The following DACH2 variants were observed in gnomAD, a reference collection of about 807,000 sequenced individuals.
The protein encoded by DACH2 is dachshund family transcription factor 2, also known as dachshund homolog 2.
A neutral mutation model predicts 35.8 loss-of-function variants in DACH2; 17 were observed. The observed-to-expected ratio is 0.48, with a 90% CI of 0.33 to 0.71. The LOEUF (loss-of-function observed/expected upper bound fraction) is 0.71, where lower values mean the gene tolerates loss of function less well. Ranked by LOEUF, DACH2 falls within the 30% of genes least tolerant of loss-of-function variation. DACH2 has a pLI of 0.02. For synonymous variants in DACH2, 195 were observed against 177.3 expected (o/e 1.10, Z -0.79); for missense variants, 469 against 472.7 (o/e 0.99, Z 0.07).
At chrX:86,577,417 T>G (rs2039448450) in intron 3 of DACH2, among the ~76,000 whole-genome samples, 1 of 111,709 alleles carries the variant, frequency 9.0e-6, no homozygotes, top group South Asian at 3.7e-4. Flanking sequence ...CATTTAAAAT[T>G]TTATTTTAAT....
chrX:86,793,627 A>C (rs2147326142), intron 7 of DACH2, among the ~76,000 whole-genome samples: 1 of 111,964 alleles, frequency 8.9e-6, no homozygotes, highest in African/African-American at 3.2e-5. Flanking sequence ...CAATTCCAAA[A>C]ATTCTGAATT....
chrX:86,747,071 A>G (rs2041720566), intron 7 of DACH2, among the ~76,000 whole-genome samples: 1 of 111,839 alleles, frequency 8.9e-6, no homozygotes, highest in Non-Finnish European at 1.9e-5. Context: ...TCTTTTGCCA[A>G]TATCATACTA....
chrX:86,235,602 G>A (rs2033041801), intron 1 of DACH2, among the ~76,000 whole-genome samples: 1 of 111,879 alleles, frequency 8.9e-6, no homozygotes, highest in African/African-American at 3.3e-5. Flanking sequence ...GGGTAGCAGA[G>A]GTAGTAACGC....
At chrX:86,319,918 A>G (rs1017757614) in intron 1 of DACH2, among the ~76,000 whole-genome samples, 1 of 111,782 alleles carries the variant, frequency 8.9e-6, no homozygotes, top group African/African-American at 3.3e-5. Flanking sequence ...TAATTTCCCA[A>G]TTGGATTATT....
At chrX:86,258,819 A>G (rs572273748) in intron 1 of DACH2, among the ~76,000 whole-genome samples, 2 of 112,204 alleles carry the variant, frequency 1.8e-5, no homozygotes, top group African/African-American at 3.2e-5. Flanking sequence ...GACAAGACCC[A>G]TTAAATATTT....
At chrX:86,515,181 G>A (rs186765403) in intron 3 of DACH2, among the ~76,000 whole-genome samples, 47 of 110,824 alleles carry the variant, frequency 4.2e-4, no homozygotes, top group African/African-American at 1.4e-3. Flanking sequence ...AAAAATATAC[G>A]AGTAGTGGTC....
intron 3 of DACH2, among the ~76,000 whole-genome samples, chrX:86,597,644 G>T (rs1232993483): frequency 9.0e-6 from 1 of 111,521 alleles, no homozygotes; most frequent in African/African-American, 3.3e-5. Flanking sequence ...ATGGGTTTTG[G>T]TGGAGCAGTC....
chrX:86,630,886 C>T (rs747895955), intron 3 of DACH2, among the ~76,000 whole-genome samples: 1 of 111,110 alleles, frequency 9.0e-6, no homozygotes, highest in Non-Finnish European at 1.9e-5. Context: ...AAATTCACTG[C>T]CTGATTGTGC....
intron 7 of DACH2, among the ~76,000 whole-genome samples, chrX:86,803,398 T>C (rs1246970425): frequency 1.8e-5 from 2 of 112,051 alleles, no homozygotes; most frequent in Non-Finnish European, 3.8e-5. Context: ...TGTCACAATA[T>C]TTGTAGATTA....
At chrX:86,308,205 T>G (rs931692839) in intron 1 of DACH2, among the ~76,000 whole-genome samples, 1 of 112,669 alleles carries the variant, frequency 8.9e-6, no homozygotes, top group Non-Finnish European at 1.9e-5. Flanking sequence ...AGTACTTGCA[T>G]TTTTGAAGAG....
intron 1 of DACH2, among the ~76,000 whole-genome samples, chrX:86,282,720 G>C (rs2034057986): frequency 9.7e-6 from 1 of 102,917 alleles, no homozygotes; most frequent in Non-Finnish European, 2.0e-5. Flanking sequence ...AAATTTACAA[G>C]AAACAAACAA....
chrX:86,610,427 T>TTTC (rs1233433730), intron 3 of DACH2, among the ~76,000 whole-genome samples: 5 of 88,472 alleles, frequency 5.7e-5, no homozygotes, highest in African/African-American at 2.5e-4. Flanking sequence ...CTTTTCTTTC[T>TTTC]TTCTTTCTTT....
intron 1 of DACH2, among the ~76,000 whole-genome samples, chrX:86,205,356 A>T (rs1423151226): frequency 1.8e-5 from 2 of 108,419 alleles, no homozygotes; most frequent in Admixed American, 2.0e-4. Context: ...TTTTCAAATA[A>T]GCCTGAGAAA....
At chrX:86,570,034 A>G (rs1451395087) in intron 3 of DACH2, among the ~76,000 whole-genome samples, 1 of 111,867 alleles carries the variant, frequency 8.9e-6, no homozygotes, top group Non-Finnish European at 1.9e-5. Flanking sequence ...TAAAACCACA[A>G]TGAGATACCA....
chrX:86,693,899 A>G (rs1290469654), intron 4 of DACH2, among the ~76,000 whole-genome samples: 1 of 112,091 alleles, frequency 8.9e-6, no homozygotes, highest in Non-Finnish European at 1.9e-5. Flanking sequence ...AAAAATGGGT[A>G]TCCATATGAA....
At chrX:86,768,726 C>T in intron 7 of DACH2, among the ~76,000 whole-genome samples, 1 of 111,024 alleles carries the variant, frequency 9.0e-6, no homozygotes, top group Middle Eastern at 4.6e-3. Context: ...GTGGTTTGGC[C>T]TTTATTGGTC....
chrX:86,832,005 A>T, intron 11 of DACH2, 101 bp from the exon 12 acceptor site: 1 of 526,602 alleles, frequency 1.9e-6, no homozygotes, highest in East Asian at 3.7e-5. Context: ...AGCCTGTTAC[A>T]TCAGATCATT....
At chrX:86,426,916 A>AACT (rs1437974737) in intron 2 of DACH2, among the ~76,000 whole-genome samples, 3 of 112,469 alleles carry the variant, frequency 2.7e-5, no homozygotes, top group African/African-American at 9.6e-5. Flanking sequence ...AACCCTCTAG[A>AACT]AAAGCTGGTG....
At chrX:86,316,823 G>T (rs1259870333) in intron 1 of DACH2, among the ~76,000 whole-genome samples, 2 of 111,006 alleles carry the variant, frequency 1.8e-5, no homozygotes, top group Non-Finnish European at 3.8e-5. Context: ...AGGAGGTTTA[G>T]AATATAGGGT....
Sources: gnomAD v4.1 joint callset for allele counts (sites outside exome capture counted in the v4.1 genomes callset) on GRCh38, gnomAD v4.1.1 for gene constraint, MANE v1.5 for transcripts, NCBI Gene and HGNC (gene_info 2026-07-23, HGNC 2026-07-21) for gene names.